The following HECTD4 variants were observed in gnomAD, a reference collection of about 807,000 sequenced individuals.
The protein encoded by HECTD4 is HECT domain E3 ubiquitin protein ligase 4.
In HECTD4, 114 loss-of-function variants were observed where a neutral mutation model predicts 471.5. That is an observed-to-expected ratio of 0.24 (90% CI 0.21 to 0.28). The LOEUF is 0.28. HECTD4 is among the 10% of genes least tolerant of loss of function. HECTD4 has a pLI of 1.00. For synonymous variants in HECTD4, 2,012 were observed against 2,256.0 expected (o/e 0.89, Z 3.07); for missense variants, 3,866 against 5,651.5 (o/e 0.68, Z 10.13).
intron 1 of HECTD4, among the ~76,000 whole-genome samples, chr12:112,366,618 C>T (rs1388441659): frequency 6.6e-6 from 1 of 151,596 alleles, no homozygotes; most frequent in Non-Finnish European, 1.5e-5. Context: ...AAAAAAAGAG[C>T]GCCTGTAATT....
chr12:112,209,213 T>C (rs2032686399), intron 50 of HECTD4, among the ~76,000 whole-genome samples: 1 of 152,192 alleles, frequency 6.6e-6, no homozygotes, highest in Non-Finnish European at 1.5e-5. Flanking sequence ...AACAGAATCT[T>C]AAAACAGTTT....
intron 1 of HECTD4, among the ~76,000 whole-genome samples, chr12:112,361,714 G>A (rs888048008): frequency 1.3e-5 from 2 of 152,114 alleles, no homozygotes; most frequent in East Asian, 1.9e-4. Context: ...TGTTCATAAG[G>A]ATCCCCTGAA....
chr12:112,341,254 T>C (rs1188998923), intron 1 of HECTD4, among the ~76,000 whole-genome samples: 5 of 152,180 alleles, frequency 3.3e-5, no homozygotes. Flanking sequence ...ACAAACAAGC[T>C]ACAGAAGGAG....
At chr12:112,367,107 G>A (rs75797634) in intron 1 of HECTD4, among the ~76,000 whole-genome samples, 107 of 151,136 alleles carry the variant, frequency 7.1e-4, no homozygotes, top group East Asian at 3.3e-3. Context: ...TACGAGACCC[G>A]TCTGGCCAAC....
intron 44 of HECTD4, among the ~76,000 whole-genome samples, chr12:112,225,842 G>A (rs2033219866): frequency 6.6e-6 from 1 of 152,106 alleles, no homozygotes; most frequent in Admixed American, 6.6e-5. Flanking sequence ...TGCCCAGGCT[G>A]CATTCAAACG....
Position 112,193,253 on chromosome 12 carries a change from C to G in HECTD4, c.8956-62G>C. 6.3e-7 allele frequency: 1 copy of G among 1,585,288 alleles called. No homozygotes were observed. The highest frequency in any genetic ancestry group is 8.6e-7 in the Non-Finnish European group (1 of 1,163,208). ...AAACACAGGGACAGCATTTCATCTT[C>G]TCATCTCACATGGCCCAGGAAATCA... On this transcript the variant is annotated intron_variant, in intron 57 of 75. Coordinates refer to ENST00000682272, the MANE Select transcript of HECTD4 (RefSeq NM_001388303.1). This position sits in a 1 kb window ranked among gnomAD's most constrained non-coding sequence, Gnocchi z 5.2.
rs761499741 is a variant in HECTD4 at position 112,228,440 on chromosome 12, C to T, written c.6685-182G>A. ...AAATACATTGTAGAAGAGCCCTAAC[C>T]AACAAAGAAATGAATTTGGTCATCT... On this transcript the variant is annotated intron_variant, in intron 42 of 75. Coordinates refer to ENST00000682272, the MANE Select transcript of HECTD4 (RefSeq NM_001388303.1). The surrounding 1 kb of genome is among the most constrained non-coding windows in gnomAD (Gnocchi z 4.9). 6.6e-6 allele frequency among the ~76,000 whole-genome samples: 1 copy of T among 152,058 alleles called. No homozygotes were observed. The highest frequency in any genetic ancestry group is 1.5e-5 in the Non-Finnish European group (1 of 67,996).
chr12:112,231,215 A>G, intron 39 of HECTD4: 1 of 471,566 alleles, frequency 2.1e-6, no homozygotes, highest in Admixed American at 3.4e-5. Flanking sequence ...ACCATTTGCA[A>G]GAAATAAAGG....
Position 112,184,947 on chromosome 12 carries a change from A to G in HECTD4, c.10019T>C (p.Val3340Ala). 6.2e-7 allele frequency: 1 copy of G among 1,613,782 alleles called. No individual in the cohort carries two copies. The highest frequency in any genetic ancestry group is 8.5e-7 in the Non-Finnish European group (1 of 1,179,868). Residue 3340 changes from valine (V) to alanine (A), a missense_variant, in exon 61 of 76, where the codon GTG becomes GCG. Physicochemically the swap from Val to Ala is moderately conservative, Grantham distance 64 (BLOSUM62 0). This residue lies in a region of HECTD4 where 57 missense variants were observed against 49.8 expected (regional missense o/e 1.14). Transcript: ENST00000682272. This position sits in a 1 kb window ranked among gnomAD's most constrained non-coding sequence, Gnocchi z 9.1. ...SSRTVDSDPT[V>A]LSIGGSKPED... ...GGGCTTGCTGCCTCCGATGCTGAGC[A>G]CGGTGGGGTCCGAGTCCACGGTGCG...
chr12:112,376,545 C>T (rs1326248832), intron 1 of HECTD4, among the ~76,000 whole-genome samples: 3 of 152,286 alleles, frequency 2.0e-5, no homozygotes, highest in Non-Finnish European at 1.5e-5. Context: ...CACGCCCGGC[C>T]ACACTCTGCA....
chr12:112,221,354 T>A (rs1007375018), intron 44 of HECTD4, among the ~76,000 whole-genome samples: 11 of 152,154 alleles, frequency 7.2e-5, no homozygotes, highest in Non-Finnish European at 1.5e-4. Context: ...ACTCAGGTGA[T>A]CTTCCCACCT....
intron 7 of HECTD4, among the ~76,000 whole-genome samples, chr12:112,289,048 C>G (rs1045926953): frequency 6.6e-6 from 1 of 152,176 alleles, no homozygotes; most frequent in Non-Finnish European, 1.5e-5. Flanking sequence ...AGGATAATCT[C>G]GACATTCCAT....
At chr12:112,308,124 T>C (rs1267676220) in intron 6 of HECTD4, among the ~76,000 whole-genome samples, 2 of 152,186 alleles carry the variant, frequency 1.3e-5, no homozygotes, top group Non-Finnish European at 2.9e-5. Flanking sequence ...TTACCATCAT[T>C]GTTATTATTA....
At chr12:112,377,229 A>T (rs2036797378) in intron 1 of HECTD4, among the ~76,000 whole-genome samples, 1 of 152,038 alleles carries the variant, frequency 6.6e-6, no homozygotes, top group African/African-American at 2.4e-5. Context: ...GCCAAGAGGA[A>T]TTCAAGACCA....
intron 1 of HECTD4, among the ~76,000 whole-genome samples, chr12:112,364,175 C>G (rs2036513336): frequency 6.6e-6 from 1 of 151,674 alleles, no homozygotes; most frequent in Non-Finnish European, 1.5e-5. Context: ...GAGGCTAAGA[C>G]AGGTGAATCA....
At chr12:112,353,092 C>T (rs1441759533) in intron 1 of HECTD4, among the ~76,000 whole-genome samples, 2 of 152,188 alleles carry the variant, frequency 1.3e-5, no homozygotes, top group South Asian at 2.1e-4. Flanking sequence ...CAAAACAGAA[C>T]ATCAACTCTA....
chr12:112,370,968 C>T (rs1397639257), intron 1 of HECTD4, among the ~76,000 whole-genome samples: 1 of 152,136 alleles, frequency 6.6e-6, no homozygotes, highest in African/African-American at 2.4e-5. Context: ...GTGTTCACCC[C>T]ACAACCACTG....
chr12:112,205,736 G>A (rs952695034), intron 52 of HECTD4, among the ~76,000 whole-genome samples: 4 of 151,864 alleles, frequency 2.6e-5, no homozygotes, highest in South Asian at 2.1e-4. Flanking sequence ...GATTACAGGC[G>A]CGCACTACCA....
At chr12:112,338,822 G>C (rs953890456) in intron 1 of HECTD4, among the ~76,000 whole-genome samples, 9 of 152,012 alleles carry the variant, frequency 5.9e-5, no homozygotes, top group African/African-American at 2.2e-4. Flanking sequence ...ACATGGCAGA[G>C]TGGGAGCAAG....
Sources: gnomAD v4.1 joint callset for allele counts (sites outside exome capture counted in the v4.1 genomes callset) on GRCh38, gnomAD v4.1.1 for gene constraint, gnomAD v4.1.1 regional missense constraint, Gnocchi (gnomAD v3.1) non-coding constraint, MANE v1.5 for transcripts, NCBI Gene and HGNC (gene_info 2026-07-23, HGNC 2026-07-21) for gene names.